The following ESRRB variants were observed in gnomAD, a reference collection of about 807,000 sequenced individuals.
ESRRB encodes estrogen related receptor beta, also known as steroid hormone receptor ERR2.
A neutral mutation model predicts 46.0 loss-of-function variants in ESRRB; 16 were observed. The ratio of observed to expected loss-of-function variants is 0.35; its 90% CI spans 0.24 to 0.53. The LOEUF is 0.53. Among genes scored for constraint, ESRRB ranks in the 20% least tolerant of loss-of-function variants. ESRRB has a pLI of 0.93. For missense variants in ESRRB, 488 were observed against 607.4 expected (o/e 0.80, Z 2.07); for synonymous variants, 246 against 259.6 (o/e 0.95, Z 0.50).
intron 2 of ESRRB, among the ~76,000 whole-genome samples, chr14:76,456,511 G>A (rs1423133834): frequency 6.6e-6 from 1 of 152,172 alleles, no homozygotes; most frequent in Non-Finnish European, 1.5e-5. Flanking sequence ...GGGAGGGAGG[G>A]AGCAGGTATC....
At chr14:76,316,513 T>C (rs1380846546) in intron 1 of ESRRB, among the ~76,000 whole-genome samples, 1 of 152,168 alleles carries the variant, frequency 6.6e-6, no homozygotes, top group East Asian at 1.9e-4. Context: ...CCCCAGTGCC[T>C]AGTGCAGTGC....
chr14:76,365,757 A>C (rs1194270792), intron 1 of ESRRB, among the ~76,000 whole-genome samples: 3 of 152,208 alleles, frequency 2.0e-5, no homozygotes, highest in Admixed American at 6.5e-5. Context: ...AACTGCAAAA[A>C]TTGTTTAGAA....
chr14:76,346,454 TC>T (rs748258866), intron 1 of ESRRB, among the ~76,000 whole-genome samples: 3 of 152,146 alleles, frequency 2.0e-5, no homozygotes, highest in Non-Finnish European at 2.9e-5. Flanking sequence ...ACCCTTAGTG[TC>T]CTGGGTTTGA....
At chr14:76,416,058 T>C (rs1886684826) in intron 1 of ESRRB, among the ~76,000 whole-genome samples, 1 of 152,146 alleles carries the variant, frequency 6.6e-6, no homozygotes. Flanking sequence ...ATGTCACTTC[T>C]ATGTCCATTT....
rs540546180 is a variant in ESRRB, at chr14:76,445,420, C to T, written c.460+5670C>T. ...CGGGAGGCAGAGGTTGCAGTGAGATCTTGCCATTGCACTCCAGCCTGGGCA... is the reference window on the plus strand; with the variant it reads ...CGGGAGGCAGAGGTTGCAGTGAGATTTTGCCATTGCACTCCAGCCTGGGCA... On this transcript the variant is annotated intron_variant, in intron 2 of 6. Transcript: ENST00000644823. 4.3e-3 allele frequency among the ~76,000 whole-genome samples: 606 copies of T among 140,572 alleles called. 5 individuals are homozygous for T. The highest frequency in any genetic ancestry group is 5.4e-3 in the Non-Finnish European group (353 of 65,766). The allele number at this position is 140,572 out of a possible 152,430, so 92.2% of individuals were successfully genotyped here.
intron 1 of ESRRB, among the ~76,000 whole-genome samples, chr14:76,413,935 GCCGCCCCTGCACCATCCC>G (rs1886558410): frequency 3.0e-5 from 1 of 32,850 alleles, no homozygotes; most frequent in Admixed American, 4.1e-4. Context: ...TGCACCGTCC[GCCGCCCCTGCACCATCCC>G]TCGCCCCTGC....
At chr14:76,466,742 C>CA (rs201787148) in intron 3 of ESRRB, among the ~76,000 whole-genome samples, 1,605 of 149,402 alleles carry the variant, frequency 0.011, 25 homozygotes, top group Non-Finnish European at 0.015. Context: ...TTGAGAAAGA[C>CA]AAAAAAAAGC....
chr14:76,364,203 A>C (rs1175000664), intron 1 of ESRRB, among the ~76,000 whole-genome samples: 2 of 152,216 alleles, frequency 1.3e-5, no homozygotes, highest in Non-Finnish European at 2.9e-5. Flanking sequence ...AAAAGAGAGG[A>C]ACCAACCATA....
chr14:76,484,945 G>A (rs1288492742), intron 5 of ESRRB, among the ~76,000 whole-genome samples: 1 of 152,214 alleles, frequency 6.6e-6, no homozygotes, highest in African/African-American at 2.4e-5. Flanking sequence ...CGGGTGAATG[G>A]CAGAGACGCT....
rs147262160 is a variant in ESRRB, at chr14:76,456,853, C to T, written c.461-5692C>T. Among the ~76,000 whole-genome samples the T allele has an allele frequency of 9.2e-3, 1,398 of 152,096 alleles. 10 individuals are homozygous for T. The highest frequency in any genetic ancestry group is 0.027 in the Middle Eastern group (8 of 292). On this transcript the variant is annotated intron_variant, in intron 2 of 6. Coordinates refer to ENST00000644823, the MANE Select transcript of ESRRB (RefSeq NM_001379180.1). ...CGGGAGAGCAGAGGGCCCTGGGCAA[C>T]GCAGAGATGAAAGGGATGGTCCCTG...
At chr14:76,420,506 G>A (rs1302637255) in intron 1 of ESRRB, among the ~76,000 whole-genome samples, 1 of 152,044 alleles carries the variant, frequency 6.6e-6, no homozygotes, top group Non-Finnish European at 1.5e-5. Context: ...GGAGAGTTGG[G>A]AGGCCACAGT....
chr14:76,340,442 C>T (rs1884178735), intron 1 of ESRRB, among the ~76,000 whole-genome samples: 1 of 152,194 alleles, frequency 6.6e-6, no homozygotes, highest in Admixed American at 6.5e-5. Flanking sequence ...TCCTATGGTT[C>T]GGTTCCGTGG....
At position 76,466,810 on chromosome 14, in the gene ESRRB, A is replaced by G. The variant is rs1212413210; in HGVS notation, c.577+4149A>G. On this transcript the variant is annotated intron_variant, in intron 3 of 6. Transcript: ENST00000644823. ...GCGATCTAGGCTCACCACACCCTCCACCTCCCGGGTTCAAGCAATTCTCCT... is the reference window on the plus strand; with the variant it reads ...GCGATCTAGGCTCACCACACCCTCCGCCTCCCGGGTTCAAGCAATTCTCCT... Among the ~76,000 whole-genome samples, 8 of 150,340 alleles carry G rather than the reference A, an allele frequency of 5.3e-5. No individual in the cohort carries two copies. The South Asian group carries it at 1.7e-3, about 32-fold the overall frequency.
At chr14:76,441,304 A>G (rs574432792) in intron 2 of ESRRB, among the ~76,000 whole-genome samples, 44 of 152,274 alleles carry the variant, frequency 2.9e-4, no homozygotes, top group African/African-American at 1.0e-3. Context: ...ACTAGAGTCA[A>G]TCACTCTGAC....
intron 1 of ESRRB, among the ~76,000 whole-genome samples, chr14:76,410,509 CT>C (rs1886389508): frequency 6.6e-6 from 1 of 152,146 alleles, no homozygotes. Flanking sequence ...TCATACACAG[CT>C]TTCTTAATCC....
intron 2 of ESRRB, among the ~76,000 whole-genome samples, chr14:76,459,963 T>C (rs992539865): frequency 3.4e-5 from 5 of 146,056 alleles, no homozygotes; most frequent in Admixed American, 6.6e-5. Context: ...CCTTCACCTG[T>C]AGATCTCTGA....
chr14:76,442,807 C>CT (rs974076951), intron 2 of ESRRB, among the ~76,000 whole-genome samples: 12 of 143,178 alleles, frequency 8.4e-5, no homozygotes, highest in African/African-American at 3.1e-4. Flanking sequence ...TTTTTCTTTT[C>CT]TTTTTTTTCT....
At chr14:76,420,221 G>A (rs1418429470) in intron 1 of ESRRB, among the ~76,000 whole-genome samples, 1 of 152,184 alleles carries the variant, frequency 6.6e-6, no homozygotes, top group Admixed American at 6.5e-5. Context: ...CTTCCTGCCA[G>A]AGAGCCAACT....
intron 2 of ESRRB, among the ~76,000 whole-genome samples, chr14:76,451,803 T>A (rs1313662267): frequency 6.7e-6 from 1 of 150,266 alleles, no homozygotes; most frequent in African/African-American, 2.4e-5. Flanking sequence ...TTTTTTTTTT[T>A]TTTTTTTTTA....
Sources: allele counts gnomAD v4.1 joint callset (sites outside exome capture counted in the v4.1 genomes callset), GRCh38; gene constraint gnomAD v4.1.1; transcripts MANE v1.5; gene names NCBI Gene and HGNC (gene_info 2026-07-23, HGNC 2026-07-21).